The following MEI4 variants were observed in gnomAD, a reference collection of about 807,000 sequenced individuals.
MEI4 encodes the protein meiosis-specific protein MEI4.
Under a neutral mutation model 31.4 loss-of-function variants are expected in MEI4, and 27 were observed. The observed-to-expected ratio is 0.86, with a 90% CI of 0.63 to 1.19. The LOEUF (loss-of-function observed/expected upper bound fraction) is 1.19, where lower values mean the gene tolerates loss of function less well. MEI4 is among the 50% of genes most tolerant of loss of function. MEI4 has a pLI of 0.00. For synonymous variants in MEI4, 122 were observed against 145.4 expected, an observed-to-expected ratio of 0.84 and a Z score of 1.16; for missense variants, 329 against 398.9, an observed-to-expected ratio of 0.82 and a Z score of 1.49.
At chr6:77,800,430 G>A (rs1020045861) in intron 3 of MEI4, among the ~76,000 whole-genome samples, 1 of 152,190 alleles carries the variant, frequency 6.6e-6, no homozygotes, top group Non-Finnish European at 1.5e-5. Context: ...ATACAATCAA[G>A]TCATCTGCAA....
At chr6:77,795,766 G>A (rs1369685638) in intron 3 of MEI4, among the ~76,000 whole-genome samples, 10 of 143,726 alleles carry the variant, frequency 7.0e-5, no homozygotes, top group Middle Eastern at 3.6e-3. Context: ...GATTGCATTG[G>A]AAAAAAAAAA....
intron 1 of MEI4, among the ~76,000 whole-genome samples, chr6:77,678,875 G>A (rs1768898773): frequency 6.6e-6 from 1 of 151,914 alleles, no homozygotes. Flanking sequence ...TGATATTGAT[G>A]TTCTTGACCC....
rs1025765266 is a variant in MEI4 at position 77,663,528 on chromosome 6, A to T, written c.-15+10436A>T. On this transcript the variant is annotated intron_variant, in intron 1 of 4. Coordinates refer to ENST00000684080, the MANE Select transcript of MEI4 (RefSeq NM_001322247.2). The stretch of plus-strand genomic sequence containing the variant: ...TAATTTAGTTAAAGTGTCTCAGCCT[A>T]ATAAGGGAACTGGGCAGGTGGGGAT... 3.4e-3 allele frequency among the ~76,000 whole-genome samples: 518 copies of T among 152,266 alleles called. 2 individuals carry two copies. Among genetic ancestry groups the T allele is most frequent in the Non-Finnish European group, 5.6e-3 (382 of 68,038 alleles).
Position 77,790,202 on chromosome 6 carries a change from C to T in MEI4, c.768+28537C>T, listed in dbSNP as rs1161030703. On this transcript the variant is annotated intron_variant, in intron 3 of 4. Transcript: ENST00000684080. ...CTCACTCACAGGTGGGAATTAAACA[C>T]GAGAACACATGGACACGGCAAGTGG... Among the ~76,000 whole-genome samples, 7 of 140,350 alleles carry T rather than the reference C, an allele frequency of 5.0e-5. No homozygotes were observed. The East Asian group carries it at 8.4e-4, about 17-fold the overall frequency. 92.1% of individuals were successfully genotyped at this position (140,350 alleles called of 152,430 possible).
chr6:77,695,156 G>C (rs1242339330), intron 2 of MEI4, among the ~76,000 whole-genome samples: 7 of 152,082 alleles, frequency 4.6e-5, no homozygotes, highest in Non-Finnish European at 1.0e-4. Context: ...GTAGATTCTG[G>C]ATATTAGCCC....
At chr6:77,826,483 A>G (rs1001163800) in intron 3 of MEI4, among the ~76,000 whole-genome samples, 9 of 152,114 alleles carry the variant, frequency 5.9e-5, no homozygotes, top group African/African-American at 2.2e-4. Flanking sequence ...TCAGCTGGAG[A>G]TCTTTATATA....
intron 2 of MEI4, among the ~76,000 whole-genome samples, chr6:77,750,190 T>C (rs967191909): frequency 3.3e-5 from 5 of 152,106 alleles, no homozygotes; most frequent in Non-Finnish European, 7.4e-5. Context: ...AGACTATCAA[T>C]GCTGTGAAGA....
At chr6:77,826,448 A>G (rs182763823) in intron 3 of MEI4, among the ~76,000 whole-genome samples, 113 of 152,298 alleles carry the variant, frequency 7.4e-4, no homozygotes, top group African/African-American at 2.6e-3. Context: ...TCTAAAGGAC[A>G]GAACTTCTTA....
At chr6:77,871,461 C>A (rs562974077) in intron 4 of MEI4, among the ~76,000 whole-genome samples, 177 of 152,044 alleles carry the variant, frequency 1.2e-3, no homozygotes, top group African/African-American at 4.1e-3. Context: ...AACCAAATAC[C>A]ACATGTTCTC....
At chr6:77,920,770 A>G (rs542786566) in intron 4 of MEI4, among the ~76,000 whole-genome samples, 2 of 152,014 alleles carry the variant, frequency 1.3e-5, no homozygotes, top group East Asian at 1.9e-4. Context: ...TAATCTCTTT[A>G]TGCATCCATC....
intron 3 of MEI4, among the ~76,000 whole-genome samples, chr6:77,797,021 T>G (rs1769097236): frequency 6.6e-6 from 1 of 152,172 alleles, no homozygotes; most frequent in East Asian, 1.9e-4. Flanking sequence ...AATAGATACC[T>G]CAAAAATAAA....
intron 1 of MEI4, among the ~76,000 whole-genome samples, chr6:77,683,241 CTTCT>C (rs1293034265): frequency 6.6e-6 from 1 of 151,904 alleles, no homozygotes; most frequent in Non-Finnish European, 1.5e-5. Context: ...TAGCTAAAAT[CTTCT>C]TTGTTTATTA....
At chr6:77,809,209 A>G (rs1053765396) in intron 3 of MEI4, among the ~76,000 whole-genome samples, 1 of 152,236 alleles carries the variant, frequency 6.6e-6, no homozygotes, top group Non-Finnish European at 1.5e-5. Flanking sequence ...AAAAATATGT[A>G]AAACAACTAT....
At chr6:77,851,688 C>T (rs1449392080) in intron 4 of MEI4, among the ~76,000 whole-genome samples, 4 of 151,362 alleles carry the variant, frequency 2.6e-5, no homozygotes, top group Non-Finnish European at 5.9e-5. Context: ...ATGTAAATGA[C>T]GAATTAATGG....
At chr6:77,736,807 A>T (rs1767251640) in intron 2 of MEI4, among the ~76,000 whole-genome samples, 1 of 152,084 alleles carries the variant, frequency 6.6e-6, no homozygotes, top group Non-Finnish European at 1.5e-5. Flanking sequence ...CCAGAGAAAG[A>T]TACTAACGTT....
chr6:77,788,969 A>G (rs939042975), intron 3 of MEI4, among the ~76,000 whole-genome samples: 14 of 152,296 alleles, frequency 9.2e-5, no homozygotes, highest in African/African-American at 1.9e-4. Flanking sequence ...CAAAAGAACA[A>G]AGCTGGAGGC....
At chr6:77,918,597 GTGACTTT>G (rs1279952546) in intron 4 of MEI4, among the ~76,000 whole-genome samples, 6 of 151,400 alleles carry the variant, frequency 4.0e-5, no homozygotes, top group African/African-American at 1.5e-4. Context: ...AAGAATGCTT[GTGACTTT>G]TGTACATTGA....
chr6:77,803,037 A>G (rs1236583089), intron 3 of MEI4, among the ~76,000 whole-genome samples: 2 of 152,180 alleles, frequency 1.3e-5, no homozygotes, highest in Admixed American at 6.5e-5. Flanking sequence ...AGATTGGGGA[A>G]GTTCTCCTGG....
chr6:77,852,758 C>T (rs1010159270), intron 4 of MEI4, among the ~76,000 whole-genome samples: 1 of 151,884 alleles, frequency 6.6e-6, no homozygotes, highest in African/African-American at 2.4e-5. Context: ...CTTGAGGCCT[C>T]TCCCCTTATG....
Sources: allele counts gnomAD v4.1 joint callset (sites outside exome capture counted in the v4.1 genomes callset), GRCh38; gene constraint gnomAD v4.1.1; transcripts MANE v1.5; gene names NCBI Gene and HGNC (gene_info 2026-07-23, HGNC 2026-07-21).